The following FGFR3 variants were observed in gnomAD, a reference collection of about 807,000 sequenced individuals.
FGFR3 encodes the protein FGFR-3.
Under a neutral mutation model 82.9 loss-of-function variants are expected in FGFR3, and 25 were observed. That is an observed-to-expected ratio of 0.30 (90% confidence interval 0.22 to 0.42). The LOEUF is 0.42. FGFR3 is among the 10% of genes least tolerant of loss of function. FGFR3 has a pLI of 1.00. For missense variants in FGFR3, 1,026 were observed against 1,161.0 expected, an observed-to-expected ratio of 0.88 and a Z score of 1.69; for synonymous variants, 620 against 516.0, an observed-to-expected ratio of 1.20 and a Z score of -2.73.
At position 1,805,779 on chromosome 4, in the gene FGFR3, G is replaced by A. The variant is rs768385286; in HGVS notation, c.1675G>A (p.Ala559Thr). 8 of 1,612,620 alleles carry A rather than the reference G, an allele frequency of 5.0e-6. No individual in the cohort carries two copies. In the East Asian group the frequency reaches 6.7e-5, roughly 13 times the overall value. ...GPLYVLVEYA[A>T]KGNLREFLRA... is the part of the protein sequence containing the mutation. ...CCTGTACGTGCTGGTGGAGTACGCG[G>A]CCAAGGGTAACCTGCGGGAGTTTCT... The change falls in exon 13 of 18, where the codon GCC (alanine) becomes ACC (threonine). Residue 559 changes from alanine (A) to threonine (T), a missense_variant. By Grantham distance (58) the Ala-to-Thr change is moderately conservative (BLOSUM62 0). Coordinates refer to ENST00000440486, the MANE Select transcript of FGFR3 (RefSeq NM_000142.5).
rs764429780 is a variant in FGFR3 at position 1,806,818 on chromosome 4, C to T, written c.2169-11C>T. On this transcript the variant is annotated splice_polypyrimidine_tract_variant and intron_variant, in intron 16 of 17. Coordinates refer to ENST00000440486, the MANE Select transcript of FGFR3 (RefSeq NM_000142.5). ...AGCGGCGGGGCTCACTCCTGAGCGC[C>T]CTGCCCGCAGGTACATGATCATGCG... The T allele has an allele frequency of 1.8e-5, 28 of 1,596,748 alleles. No homozygotes were observed. Among genetic ancestry groups the T allele is most frequent in the Middle Eastern group, 1.7e-4 (1 of 5,982 alleles).
intron 2 of FGFR3, among the ~76,000 whole-genome samples, chr4:1,798,819 A>C (rs960481363): frequency 6.6e-6 from 1 of 152,180 alleles, no homozygotes; most frequent in Non-Finnish European, 1.5e-5. Context: ...AGCAAAGGGC[A>C]GCCTGTCCCC....
chr4:1,804,363 G>T lies in FGFR3; in HGVS notation c.1109G>T (p.Gly370Val), dbSNP rs1721596338. 6.2e-7 allele frequency: 1 copy of T among 1,612,042 alleles called. No individual in the cohort carries two copies. Among genetic ancestry groups the T allele is most frequent in the Non-Finnish European group, 8.5e-7 (1 of 1,179,254 alleles). ...EEELVEADEA[G>V]SVYAGILSYG... ...GAGCTGGTGGAGGCTGACGAGGCGG[G>T]CAGTGTGTATGCAGGCATCCTCAGC... Residue 370 changes from glycine to valine, a missense_variant, in exon 9 of 18, where the codon GGC becomes GTC. Coordinates refer to ENST00000440486, the MANE Select transcript of FGFR3 (RefSeq NM_000142.5).
In FGFR3 at chr4:1,805,845, A is replaced by G; in HGVS notation, c.1741A>G (p.Thr581Ala). ...CCCGGGCCTGGACTACTCCTTCGAC[A>G]CCTGCAAGCCGCCCGAGGAGCAGCT... The part of the protein sequence containing the change: ...RPPGLDYSFD[T>A]CKPPEEQLTF... The change falls in exon 13 of 18, where the codon ACC becomes GCC. Residue 581 changes from threonine (T) to alanine (A), a missense_variant. Thr to Ala is a moderately conservative substitution (Grantham distance 58). Coordinates refer to ENST00000440486, the MANE Select transcript of FGFR3 (RefSeq NM_000142.5). 6.2e-7 allele frequency: 1 copy of G among 1,612,542 alleles called. No individual in the cohort carries two copies. Among genetic ancestry groups the G allele is most frequent in the Non-Finnish European group, 8.5e-7 (1 of 1,179,862 alleles).
intron 2 of FGFR3, among the ~76,000 whole-genome samples, chr4:1,797,652 C>T (rs1420071131): frequency 6.6e-6 from 1 of 152,240 alleles, no homozygotes; most frequent in African/African-American, 2.4e-5. Flanking sequence ...CAGCTCCCAG[C>T]TCTGGGTGGT....
chr4:1,793,705 G>C (rs1346958901), intron 1 of FGFR3, 128 bp from the exon 2 acceptor site: 1 of 153,328 alleles, frequency 6.5e-6, no homozygotes, highest in East Asian at 1.9e-4. Flanking sequence ...CAGGCGGCCC[G>C]GGAGCCCTGG....
rs771583472 is a variant in FGFR3 at position 1,805,565 on chromosome 4, C to G, written c.1541C>G (p.Ala514Gly). 6.2e-7 allele frequency: 1 copy of G among 1,613,150 alleles called. No individual in the cohort carries two copies. The highest frequency in any genetic ancestry group is 8.5e-7 in the Non-Finnish European group (1 of 1,179,818). Residue 514 changes from alanine (A) to glycine (G), a missense_variant, in exon 12 of 18, where the codon GCC becomes GGC. Physicochemically the swap from Ala to Gly is moderately conservative, Grantham distance 60 (BLOSUM62 0). This residue lies in a region of FGFR3 where 164 missense variants were observed against 167.5 expected (regional missense o/e 0.98). Transcript: ENST00000440486. ...TVAVKMLKDD[A>G]TDKDLSDLVS... ...CCCCCCGCTCCGTGCACAGACGATG[C>G]CACTGACAAGGACCTGTCGGACCTG... is the stretch of plus-strand genomic sequence containing the variant.
chr4:1,806,015 G>T (rs1721866678), intron 13 of FGFR3, 36 bp from the exon 14 acceptor site: 1 of 1,612,696 alleles, frequency 6.2e-7, no homozygotes, highest in Non-Finnish European at 8.5e-7. Context: ...GGGAGAGGTG[G>T]AGAGGCTTCA....
rs747326265 is a variant in FGFR3 at position 1,799,728 on chromosome 4, G to A, written c.380-19G>A. The A allele has an allele frequency of 7.7e-5, 124 of 1,612,408 alleles. No individual in the cohort carries two copies. Among genetic ancestry groups the A allele is most frequent in the Middle Eastern group, 1.6e-4 (1 of 6,084 alleles). Reference sequence around the variant, plus strand: ...CTGGGGCAGGTTGGGCATTGGTTGCGGCCATCTCTGCCTTGCAGACGCTCC... The same window carrying A: ...CTGGGGCAGGTTGGGCATTGGTTGCAGCCATCTCTGCCTTGCAGACGCTCC... On this transcript the variant is annotated intron_variant, in intron 3 of 17. Transcript: ENST00000440486.
In FGFR3 at chr4:1,804,382, C is replaced by T. The variant is rs760665672; in HGVS notation, c.1128C>T (p.Ile376=). 15 of 1,612,986 alleles carry T rather than the reference C, an allele frequency of 9.3e-6. No individual in the cohort carries two copies. The highest frequency in any genetic ancestry group is 3.3e-5 in the South Asian group (3 of 91,026). Residue 376 remains isoleucine (I), a synonymous_variant, in exon 9 of 18, where the codon ATC becomes ATT. Transcript: ENST00000440486. ...ADEAGSVYAG[I]LSYGVGFFLF... The stretch of plus-strand genomic sequence containing the variant: ...AGGCGGGCAGTGTGTATGCAGGCAT[C>T]CTCAGCTACGGGGTGGGCTTCTTCC...
chr4:1,806,355 A>G (rs1360586733), intron 15 of FGFR3, 28 bp downstream of exon 15: 8 of 1,612,298 alleles, frequency 5.0e-6, no homozygotes, highest in Non-Finnish European at 5.9e-6. Context: ...CTCAGGCTTC[A>G]GGGGTGGAGG....
Position 1,806,823 on chromosome 4 carries a change from C to T in FGFR3, c.2169-6C>T, listed in dbSNP as rs765235501. ...CGGGGCTCACTCCTGAGCGCCCTGC[C>T]CGCAGGTACATGATCATGCGGGAGT... On this transcript the variant is annotated splice_region_variant and splice_polypyrimidine_tract_variant and intron_variant, in intron 16 of 17. Transcript: ENST00000440486. 1.9e-6 allele frequency: 3 copies of T among 1,600,910 alleles called. No homozygotes were observed. The highest frequency in any genetic ancestry group is 1.7e-5 in the Admixed American group (1 of 58,718).
chr4:1,794,684 T>C (rs1173370697), intron 2 of FGFR3, among the ~76,000 whole-genome samples: 1 of 151,862 alleles, frequency 6.6e-6, no homozygotes, highest in Non-Finnish European at 1.5e-5. Flanking sequence ...CCGCGGGACG[T>C]CGAGGGTCTG....
chr4:1,793,521 G>A (rs1381505996), intron 1 of FGFR3, 56 bp downstream of exon 1: 2 of 149,716 alleles, frequency 1.3e-5, no homozygotes, highest in Non-Finnish European at 3.0e-5. Context: ...CTCGCGGAGG[G>A]GTCGGGGCGC....
At chr4:1,798,483 A>C (rs1321223116) in intron 2 of FGFR3, among the ~76,000 whole-genome samples, 2 of 150,784 alleles carry the variant, frequency 1.3e-5, no homozygotes, top group African/African-American at 4.9e-5. Flanking sequence ...CGCCGTGTGG[A>C]GCTTCCATAG....
At position 1,799,288 on chromosome 4, in the gene FGFR3, G is replaced by C. The variant is rs777287621; in HGVS notation, c.144G>C (p.Gln48His). The C allele has an allele frequency of 5.0e-6, 8 of 1,612,738 alleles. No homozygotes were observed. The East Asian group carries it at 1.8e-4, about 36-fold the overall frequency. ...VPGPEPGQQE[Q>H]LVFGSGDAVE... ...GCCCAGAGCCCGGCCAGCAGGAGCA[G>C]TTGGTCTTCGGCAGCGGGGATGCTG... is the stretch of plus-strand genomic sequence containing the variant. Residue 48 changes from glutamine to histidine, a missense_variant, in exon 3 of 18, where the codon CAG becomes CAC. This residue lies in a region of FGFR3 where 226 missense variants were observed against 222.0 expected (regional missense o/e 1.02). Coordinates refer to ENST00000440486, the MANE Select transcript of FGFR3 (RefSeq NM_000142.5).
chr4:1,798,772 C>T (rs768096848), intron 2 of FGFR3, among the ~76,000 whole-genome samples: 2 of 152,200 alleles, frequency 1.3e-5, no homozygotes, highest in Non-Finnish European at 2.9e-5. Context: ...CTGGCCAACC[C>T]TGGCACCCCC....
At position 1,808,803 on chromosome 4, in the gene FGFR3, C is replaced by T. The variant is rs1011029544; in HGVS notation, c.*1541C>T. On this transcript the variant is annotated 3_prime_UTR_variant, in exon 18 of 18. Coordinates refer to ENST00000440486, the MANE Select transcript of FGFR3 (RefSeq NM_000142.5). ...TGGTGGCCAGAGGTGTCACCCAAAC[C>T]GGCAGGTGCGATTTTGTTAACCCAG... is the stretch of plus-strand genomic sequence containing the variant. 1.3e-5 allele frequency: 3 copies of T among 230,870 alleles called. No homozygotes were observed. The highest frequency in any genetic ancestry group is 6.1e-5 in the East Asian group (1 of 16,378). The allele number at this position is 230,870 out of a possible 1,614,324, so 14.3% of individuals were successfully genotyped here. A position where few individuals can be genotyped will look rare whatever the true frequency, so the allele number is the denominator to read the frequency against.
intron 7 of FGFR3, chr4:1,803,139 C>T (rs946167059): frequency 1.9e-5 from 27 of 1,410,250 alleles, no homozygotes; most frequent in African/African-American, 6.1e-5. Flanking sequence ...CTGCACGCCC[C>T]GCACGCCCAG....
Sources: gnomAD v4.1 joint callset for allele counts (sites outside exome capture counted in the v4.1 genomes callset) on GRCh38, gnomAD v4.1.1 for gene constraint, gnomAD v4.1.1 regional missense constraint, MANE v1.5 for transcripts, NCBI Gene and HGNC (gene_info 2026-07-23, HGNC 2026-07-21) for gene names.